SGSM3: variants seen among roughly 807,000 people sequenced by gnomAD.
SGSM3 encodes the protein small G protein signaling modulator 3, also known as RUN and SH3 containing 3.
Under a neutral mutation model 100.5 loss-of-function variants are expected in SGSM3, and 96 were observed. The ratio of observed to expected loss-of-function variants is 0.96; its 90% CI spans 0.81 to 1.13. The LOEUF (loss-of-function observed/expected upper bound fraction) is 1.13. SGSM3 is among the 50% of genes most tolerant of loss of function. The probability of loss-of-function intolerance (pLI) is 0.00; values close to 1 mark genes in which losing one functional copy is unlikely to be tolerated. For synonymous variants in SGSM3, 483 were observed against 422.8 expected (o/e 1.14, Z -1.75); for missense variants, 1,001 against 1,015.8 (o/e 0.99, Z 0.20).
intron 7 of SGSM3, 75 bp from the exon 8 acceptor site, chr22:40,405,574 C>G: frequency 1.4e-6 from 2 of 1,410,318 alleles, no homozygotes; most frequent in South Asian, 2.6e-5. Flanking sequence ...TAATTGGTCT[C>G]CCTAGGGTAG....
At chr22:40,406,704 G>C in intron 10 of SGSM3, 42 bp downstream of exon 10, 1 of 1,497,698 alleles carries the variant, frequency 6.7e-7, no homozygotes, top group African/African-American at 1.4e-5. Flanking sequence ...CACAGCACAC[G>C]GGGAGGAGGG....
At chr22:40,408,209 G>C (rs1399725355) in intron 15 of SGSM3, 68 bp from the exon 16 acceptor site, 3 of 1,606,012 alleles carry the variant, frequency 1.9e-6, no homozygotes, top group Non-Finnish European at 2.6e-6. Context: ...GCATGGCAGA[G>C]AGGACAGAGG....
At chr22:40,375,020 T>C (rs2046316559) in intron 1 of SGSM3, among the ~76,000 whole-genome samples, 2 of 152,218 alleles carry the variant, frequency 1.3e-5, no homozygotes, top group African/African-American at 4.8e-5. Context: ...CCTCCCCTTT[T>C]TGAAAATTTA....
chr22:40,401,849 T>A (rs1162939022), intron 3 of SGSM3, among the ~76,000 whole-genome samples, 174 bp downstream of exon 3: 1 of 152,242 alleles, frequency 6.6e-6, no homozygotes, highest in African/African-American at 2.4e-5. Context: ...ACTGTGGCAC[T>A]ATGCTCTCAG....
rs992202304 is a variant in SGSM3, at chr22:40,409,859, G to A, written c.*100G>A. The A allele has an allele frequency of 1.3e-6, 2 of 1,487,354 alleles. No individual in the cohort carries two copies. Among genetic ancestry groups the A allele is most frequent in the East Asian group, 2.4e-5 (1 of 42,146 alleles). 92.1% of individuals were successfully genotyped at this position (1,487,354 alleles called of 1,614,324 possible). On this transcript the variant is annotated 3_prime_UTR_variant, in exon 22 of 22. Coordinates refer to ENST00000248929, the MANE Select transcript of SGSM3 (RefSeq NM_015705.6). Reference sequence around the variant, plus strand: ...GAGCAGCTCCAGAGCCCTGGCCGGGGCCGCGGGATATCAATATCAGGCTGC... The same window carrying A: ...GAGCAGCTCCAGAGCCCTGGCCGGGACCGCGGGATATCAATATCAGGCTGC...
chr22:40,393,923 A>G (rs2049709511), intron 1 of SGSM3, among the ~76,000 whole-genome samples: 1 of 152,216 alleles, frequency 6.6e-6, no homozygotes, highest in Non-Finnish European at 1.5e-5. Context: ...GAGGGGACAC[A>G]TTAAAACCAA....
Position 40,410,264 on chromosome 22 carries a change from G to A in SGSM3, c.*505G>A. 1 of 765,904 alleles carries A rather than the reference G, an allele frequency of 1.3e-6. No individual in the cohort carries two copies. The highest frequency in any genetic ancestry group is 5.6e-4 in the Middle Eastern group (1 of 1,788). 47.4% of individuals were successfully genotyped at this position (765,904 alleles called of 1,614,324 possible). A position where few individuals can be genotyped will look rare whatever the true frequency, so the allele number is the denominator to read the frequency against. ...AGCTGTGCTACCCACCCCTTCCATG[G>A]ACTGAATAAGATGGACTAACAGGCC... On this transcript the variant is annotated 3_prime_UTR_variant, in exon 22 of 22. Coordinates refer to ENST00000248929, the MANE Select transcript of SGSM3 (RefSeq NM_015705.6).
In SGSM3 at chr22:40,407,971, A is replaced by G. The variant is rs1569224466; in HGVS notation, c.1580-100A>G. On this transcript the variant is annotated intron_variant, in intron 14 of 21. Coordinates refer to ENST00000248929, the MANE Select transcript of SGSM3 (RefSeq NM_015705.6). This position sits in a 1 kb window ranked among gnomAD's most constrained non-coding sequence, Gnocchi z 4.7. ...CTGCCTGGCTTGAGGTCCCTGAAGC[A>G]GCTGAGCCGGCTTCCCACTGCCTCA... is the stretch of plus-strand genomic sequence containing the variant. 1.4e-5 allele frequency: 21 copies of G among 1,465,442 alleles called. No individual in the cohort carries two copies. Among genetic ancestry groups the G allele is most frequent in the Non-Finnish European group, 1.9e-5 (20 of 1,065,776 alleles). 90.8% of individuals were successfully genotyped at this position (1,465,442 alleles called of 1,614,324 possible). A position where few individuals can be genotyped will look rare whatever the true frequency, so the allele number is the denominator to read the frequency against.
At chr22:40,388,054 A>T (rs1238086213) in intron 1 of SGSM3, 2 of 152,234 alleles carry the variant, frequency 1.3e-5, no homozygotes, top group Admixed American at 1.3e-4. Flanking sequence ...TGTCACAAAG[A>T]AAATATTGAC....
chr22:40,385,275 G>A (rs2048233518), intron 1 of SGSM3, among the ~76,000 whole-genome samples: 1 of 152,204 alleles, frequency 6.6e-6, no homozygotes, highest in Non-Finnish European at 1.5e-5. Context: ...TGAAGCATGG[G>A]CGCTTTTAAA....
Position 40,407,021 on chromosome 22 carries a change from T to G in SGSM3, c.1190T>G (p.Val397Gly). The change falls in exon 11 of 22, where the codon GTT becomes GGT. Residue 397 changes from valine (V) to glycine (G), a missense_variant. By Grantham distance (109) the Val-to-Gly change is moderately radical (BLOSUM62 -3). Transcript: ENST00000248929. This position sits in a 1 kb window ranked among gnomAD's most constrained non-coding sequence, Gnocchi z 4.7. Reference protein sequence around the residue: ...AGTLTNLSQVVRRRTQRRKST... With the variant: ...AGTLTNLSQVGRRRTQRRKST... ...GACCCACTCCTCTTGGTGCAGGTTG[T>G]TCGCCGCAGGACCCAGCGGAGGAAG... 2.5e-6 allele frequency: 4 copies of G among 1,573,990 alleles called. No homozygotes were observed. The highest frequency in any genetic ancestry group is 3.5e-6 in the Non-Finnish European group (4 of 1,159,374).
chr22:40,386,377 C>G (rs2048443009), intron 1 of SGSM3, among the ~76,000 whole-genome samples: 1 of 151,982 alleles, frequency 6.6e-6, no homozygotes, highest in Non-Finnish European at 1.5e-5. Context: ...AGAGGACAAC[C>G]TCGTGACGTA....
chr22:40,388,941 C>T, intron 1 of SGSM3, among the ~76,000 whole-genome samples: 1 of 152,026 alleles, frequency 6.6e-6, no homozygotes, highest in South Asian at 2.1e-4. Flanking sequence ...TAACTTGGAG[C>T]GTGGCAAATT....
chr22:40,400,686 C>A lies in SGSM3; in HGVS notation c.-111-10C>A. On this transcript the variant is annotated splice_polypyrimidine_tract_variant and intron_variant, in intron 1 of 21. Coordinates refer to ENST00000248929, the MANE Select transcript of SGSM3 (RefSeq NM_015705.6). ...AAATAGAATGACTTTCCTCTTTTCT[C>A]TTCTAACAGGGCAGATGATTCTGGA... 2 of 971,626 alleles carry A rather than the reference C, an allele frequency of 2.1e-6. No homozygotes were observed. The highest frequency in any genetic ancestry group is 3.1e-6 in the Non-Finnish European group (2 of 637,804). 60.2% of individuals were successfully genotyped at this position (971,626 alleles called of 1,614,324 possible).
In SGSM3 at chr22:40,409,278, G is replaced by C. The variant is rs767329260; in HGVS notation, c.2017G>C (p.Val673Leu). The change falls in exon 20 of 22, where the codon GTG becomes CTG. Residue 673 changes from valine (V) to leucine (L), a missense_variant. Val to Leu is a conservative substitution (Grantham distance 32, BLOSUM62 1). Coordinates refer to ENST00000248929, the MANE Select transcript of SGSM3 (RefSeq NM_015705.6). Reference protein sequence around the residue: ...NEQVLHLWLEVLCSSLPTVEK... With the variant: ...NEQVLHLWLELLCSSLPTVEK... ...GCAGGTGCTGCACCTGTGGCTGGAGGTGCTCTGCTCCAGCCTGCCCACCGT... is the reference window on the plus strand; with the variant it reads ...GCAGGTGCTGCACCTGTGGCTGGAGCTGCTCTGCTCCAGCCTGCCCACCGT... The C allele has an allele frequency of 1.2e-6, 2 of 1,611,522 alleles. No individual in the cohort carries two copies. The highest frequency in any genetic ancestry group is 2.2e-5 in the South Asian group (2 of 91,030).
At chr22:40,375,072 T>A (rs1039631776) in intron 1 of SGSM3, among the ~76,000 whole-genome samples, 1 of 152,236 alleles carries the variant, frequency 6.6e-6, no homozygotes, top group Non-Finnish European at 1.5e-5. Flanking sequence ...TGAGGAGAGA[T>A]ACATTCACCT....
chr22:40,409,271 G>A lies in SGSM3; in HGVS notation c.2010G>A (p.Trp670Ter). 1.2e-6 allele frequency: 2 copies of A among 1,610,544 alleles called. No homozygotes were observed. The highest frequency in any genetic ancestry group is 1.3e-5 in the African/African-American group (1 of 75,036). Residue 670 changes from tryptophan to a stop codon, truncating the protein, a stop_gained, in exon 20 of 22, where the codon TGG becomes TGA. Coordinates refer to ENST00000248929, the MANE Select transcript of SGSM3 (RefSeq NM_015705.6). LOFTEE classifies it high-confidence loss of function. ...VGLNEQVLHL[W>*]LEVLCSSLPT... is the part of the protein sequence containing the mutation. ...CCAGTGAGCAGGTGCTGCACCTGTG[G>A]CTGGAGGTGCTCTGCTCCAGCCTGC...
chr22:40,401,791 C>G, intron 3 of SGSM3, 116 bp downstream of exon 3: 1 of 810,438 alleles, frequency 1.2e-6, no homozygotes, highest in South Asian at 1.4e-5. Context: ...TTATGAGTTC[C>G]CCACCAGAGA....
At chr22:40,405,119 G>T in intron 6 of SGSM3, 22 bp from the exon 7 acceptor site, 1 of 1,482,722 alleles carries the variant, frequency 6.7e-7, no homozygotes, top group Non-Finnish European at 9.0e-7. Context: ...TGTTATTGTG[G>T]GTGCCGATGG....
Sources: gnomAD v4.1 joint callset for allele counts (sites outside exome capture counted in the v4.1 genomes callset) on GRCh38, gnomAD v4.1.1 for gene constraint, Gnocchi (gnomAD v3.1) non-coding constraint, MANE v1.5 for transcripts, NCBI Gene and HGNC (gene_info 2026-07-23, HGNC 2026-07-21) for gene names.